The following MCF2L variants were observed in gnomAD, a reference collection of about 807,000 sequenced individuals.
The protein encoded by MCF2L is guanine nucleotide exchange factor DBS.
MCF2L carries 97 observed loss-of-function variants against 153.4 expected under a neutral mutation model. That is an observed-to-expected ratio of 0.63 (90% confidence interval 0.54 to 0.75). MCF2L has a LOEUF of 0.75. Among genes scored for constraint, MCF2L ranks in the 30% least tolerant of loss-of-function variants. The pLI is 0.00. For synonymous variants in MCF2L, 659 were observed against 632.2 expected (o/e 1.04, Z -0.64); for missense variants, 1,347 against 1,495.2 (o/e 0.90, Z 1.64).
Position 113,045,810 on chromosome 13 carries a change from A to C in MCF2L, c.369+449A>C, listed in dbSNP as rs576584367. 2 of 196,634 alleles carry C rather than the reference A, an allele frequency of 1.0e-5. No homozygotes were observed. Among genetic ancestry groups the C allele is most frequent in the East Asian group, 2.3e-4 (2 of 8,816 alleles). 12.2% of individuals were successfully genotyped at this position (196,634 alleles called of 1,614,324 possible). A position where few individuals can be genotyped will look rare whatever the true frequency, so the allele number is the denominator to read the frequency against. On this transcript the variant is annotated intron_variant, in intron 4 of 29. Coordinates refer to ENST00000535094, the MANE Select transcript of MCF2L (RefSeq NM_001112732.3). This position sits in a 1 kb window ranked among gnomAD's most constrained non-coding sequence, Gnocchi z 4.2. ...CACTTCCTCTTACACAAAGCACAAC[A>C]GTCCTGACCAGGCAGGACGGGGGCT...
chr13:113,063,233 G>A (rs1422069541), intron 5 of MCF2L, among the ~76,000 whole-genome samples: 1 of 152,188 alleles, frequency 6.6e-6, no homozygotes, highest in African/African-American at 2.4e-5. Context: ...GCGGGCGAGT[G>A]GGACCCACAT....
At position 112,904,012 on chromosome 13, in the gene MCF2L, C is replaced by T. The variant is rs181687851; in HGVS notation, c.169+1641C>T. 6.6e-5 allele frequency among the ~76,000 whole-genome samples: 10 copies of T among 152,272 alleles called. No individual in the cohort carries two copies. Among genetic ancestry groups the T allele is most frequent in the Admixed American group, 2.6e-4 (4 of 15,308 alleles). ...ACTGGAAGGTTGCTGAGTCTTCCCG[C>T]GCTCAGCTTGGCTGTGAATTAACTG... On this transcript the variant is annotated intron_variant, in intron 2 of 29. Transcript: ENST00000375608. The surrounding 1 kb of genome is among the most constrained non-coding windows in gnomAD (Gnocchi z 4.2).
chr13:113,053,421 G>A lies in MCF2L; in HGVS notation c.370-7172G>A, dbSNP rs1214798800. ...TGGTTTCCTTGTAATTAGGTTCCAC[G>A]TGGTCCTTTGGGGCGGGAATCCTGG... On this transcript the variant is annotated intron_variant, in intron 4 of 29. Transcript: ENST00000535094. The surrounding 1 kb of genome is among the most constrained non-coding windows in gnomAD (Gnocchi z 4.4). Among the ~76,000 whole-genome samples, 2 of 152,298 alleles carry A rather than the reference G, an allele frequency of 1.3e-5. No individual in the cohort carries two copies. Among genetic ancestry groups the A allele is most frequent in the African/African-American group, 2.4e-5 (1 of 41,544 alleles).
At chr13:112,982,893 C>A (rs954362721) in intron 1 of MCF2L, among the ~76,000 whole-genome samples, 1 of 151,742 alleles carries the variant, frequency 6.6e-6, no homozygotes, top group Non-Finnish European at 1.5e-5. Context: ...GCTTGAGGGG[C>A]GCCGAGGTGT....
In MCF2L at chr13:113,076,270, TA is replaced by T. The variant is rs780497056; in HGVS notation, c.1500+114del. Reference sequence around the variant, plus strand: ...TGAATTATTTGTATTTATTTATTATTATTTTTTTTTTGAGATGGAATCTCGC... The same window carrying T: ...TGAATTATTTGTATTTATTTATTATTTTTTTTTTTTGAGATGGAATCTCGC... On this transcript the variant is annotated intron_variant, in intron 12 of 29. Coordinates refer to ENST00000535094, the MANE Select transcript of MCF2L (RefSeq NM_001112732.3). The T allele has an allele frequency of 5.9e-4, 482 of 821,220 alleles. 2 individuals carry two copies. The East Asian group carries it at 0.015, about 25-fold the overall frequency. 50.9% of individuals were successfully genotyped at this position (821,220 alleles called of 1,614,324 possible).
At chr13:113,006,901 T>G (rs1290430830) in intron 1 of MCF2L, among the ~76,000 whole-genome samples, 3 of 152,018 alleles carry the variant, frequency 2.0e-5, no homozygotes, top group African/African-American at 7.2e-5. Context: ...AGCGGAGCCA[T>G]GGGTACTGTG....
intron 2 of MCF2L, among the ~76,000 whole-genome samples, chr13:112,937,368 T>C (rs1328672286): frequency 6.6e-6 from 1 of 152,242 alleles, no homozygotes; most frequent in African/African-American, 2.4e-5. Flanking sequence ...GAAATTATAG[T>C]ATGGTGGACG....
chr13:113,051,230 G>C (rs1181624733), intron 4 of MCF2L, among the ~76,000 whole-genome samples: 1 of 152,206 alleles, frequency 6.6e-6, no homozygotes, highest in African/African-American at 2.4e-5. Flanking sequence ...CGATTACAGG[G>C]GAGGAGCTGG....
chr13:113,057,777 T>G (rs1457102150), intron 4 of MCF2L, among the ~76,000 whole-genome samples: 4 of 142,302 alleles, frequency 2.8e-5, no homozygotes, highest in African/African-American at 8.0e-5. Context: ...TGCTGAGTGT[T>G]TAGTAGCTGC....
At chr13:113,051,175 CTG>C (rs1348100398) in intron 4 of MCF2L, among the ~76,000 whole-genome samples, 1 of 152,216 alleles carries the variant, frequency 6.6e-6, no homozygotes, top group Non-Finnish European at 1.5e-5. Context: ...GCACCAGCTG[CTG>C]TGGCAAATGC....
At chr13:113,009,025 G>A (rs183434946) in intron 1 of MCF2L, 20 of 152,410 alleles carry the variant, frequency 1.3e-4, no homozygotes, top group African/African-American at 4.3e-4. Flanking sequence ...CTCTGGAGAC[G>A]ACCCCCAGAG....
intron 2 of MCF2L, among the ~76,000 whole-genome samples, chr13:112,921,405 T>C (rs1323789181): frequency 6.6e-6 from 1 of 152,188 alleles, no homozygotes; most frequent in East Asian, 1.9e-4. Context: ...CCACACACTG[T>C]TTACCTGTCA....
rs2032774512 is a variant in MCF2L at position 113,070,335 on chromosome 13, C to T, written c.996+162C>T. The stretch of plus-strand genomic sequence containing the variant: ...CCAGGTGGAGCCTGTGAGATTAAGT[C>T]AGGCTGAGCCTTGAAATGCACGATT... On this transcript the variant is annotated intron_variant, in intron 9 of 29. Coordinates refer to ENST00000535094, the MANE Select transcript of MCF2L (RefSeq NM_001112732.3). This position sits in a 1 kb window ranked among gnomAD's most constrained non-coding sequence, Gnocchi z 5.6. 1 of 493,532 alleles carries T rather than the reference C, an allele frequency of 2.0e-6. No individual in the cohort carries two copies. The highest frequency in any genetic ancestry group is 2.8e-5 in the South Asian group (1 of 36,042). 30.6% of individuals were successfully genotyped at this position (493,532 alleles called of 1,614,324 possible).
At chr13:113,057,523 G>T (rs1219154979) in intron 4 of MCF2L, among the ~76,000 whole-genome samples, 6 of 146,792 alleles carry the variant, frequency 4.1e-5, no homozygotes, top group African/African-American at 1.5e-4. Flanking sequence ...CTGAGTGTTT[G>T]GGTGCTGAGT....
chr13:112,985,504 T>C (rs2082600642), intron 1 of MCF2L: 1 of 470,088 alleles, frequency 2.1e-6, no homozygotes, highest in Non-Finnish European at 4.4e-6. Context: ...CCCCTGTGAG[T>C]CCCTCGCAGG....
At position 113,064,833 on chromosome 13, in the gene MCF2L, G is replaced by A. The variant is rs1338051733; in HGVS notation, c.607-103G>A. 41 of 1,353,762 alleles carry A rather than the reference G, an allele frequency of 3.0e-5. No homozygotes were observed. The highest frequency in any genetic ancestry group is 4.2e-5 in the Non-Finnish European group (41 of 986,306). 83.9% of individuals were successfully genotyped at this position (1,353,762 alleles called of 1,614,324 possible). A position where few individuals can be genotyped will look rare whatever the true frequency, so the allele number is the denominator to read the frequency against. The stretch of plus-strand genomic sequence containing the variant: ...GTCTTTGCGTCAGCCGGTCTCACCT[G>A]ATGGGTCTGTGTGGGAACGGTTTCC... On this transcript the variant is annotated intron_variant, in intron 6 of 29. Coordinates refer to ENST00000535094, the MANE Select transcript of MCF2L (RefSeq NM_001112732.3). The surrounding 1 kb of genome is among the most constrained non-coding windows in gnomAD (Gnocchi z 6.0).
rs376262596 is a variant in MCF2L, at chr13:113,088,423, C to A, written c.2767+18C>A. ...TTGTAGAGGTGAGGCTGTCTTCAAGCGATCGTTTCCCGTAGCTTCCGCTCC... is the reference window on the plus strand; with the variant it reads ...TTGTAGAGGTGAGGCTGTCTTCAAGAGATCGTTTCCCGTAGCTTCCGCTCC... On this transcript the variant is annotated intron_variant, in intron 24 of 29. Transcript: ENST00000535094. 1.9e-6 allele frequency: 3 copies of A among 1,613,536 alleles called. No individual in the cohort carries two copies. The Admixed American group carries it at 5.0e-5, about 27-fold the overall frequency.
At chr13:112,991,171 C>T (rs2140976649) in intron 1 of MCF2L, among the ~76,000 whole-genome samples, 1 of 152,352 alleles carries the variant, frequency 6.6e-6, no homozygotes, top group African/African-American at 2.4e-5. Flanking sequence ...ACTGCCCTCA[C>T]TGAGGCTTTC....
At chr13:113,076,910 A>AGCTGC in intron 12 of MCF2L, 142 bp from the exon 13 acceptor site, 1 of 951,390 alleles carries the variant, frequency 1.1e-6, no homozygotes, top group Non-Finnish European at 1.6e-6. Flanking sequence ...GGCTGGACAC[A>AGCTGC]GCTGCGCTGC....
Sources: allele counts gnomAD v4.1 joint callset (sites outside exome capture counted in the v4.1 genomes callset), GRCh38; gene constraint gnomAD v4.1.1; non-coding constraint Gnocchi (gnomAD v3.1); transcripts MANE v1.5; gene names NCBI Gene and HGNC (gene_info 2026-07-23, HGNC 2026-07-21).